HIPK2: variants seen among roughly 807,000 people sequenced by gnomAD.
HIPK2 encodes the protein homeodomain interacting protein kinase 2, also known as homeodomain-interacting protein kinase 2.
In HIPK2, 27 loss-of-function variants were observed where a neutral mutation model predicts 113.7. The ratio of observed to expected loss-of-function variants is 0.24; its 90% CI spans 0.17 to 0.33. The LOEUF (loss-of-function observed/expected upper bound fraction) is 0.33. Among genes scored for constraint, HIPK2 ranks in the 10% least tolerant of loss-of-function variants. The pLI is 1.00. For missense variants in HIPK2, 1,257 were observed against 1,588.0 expected, an observed-to-expected ratio of 0.79 and a Z score of 3.54; for synonymous variants, 631 against 642.2, an observed-to-expected ratio of 0.98 and a Z score of 0.26.
intron 12 of HIPK2, among the ~76,000 whole-genome samples, chr7:139,595,415 G>A (rs1170529911): frequency 3.3e-5 from 5 of 152,188 alleles, no homozygotes; most frequent in African/African-American, 1.2e-4. Flanking sequence ...ATCAAAAAGG[G>A]ACCTGAGGCC....
At position 139,575,122 on chromosome 7, in the gene HIPK2, G is replaced by T; in HGVS notation, c.3126+6C>A. ...CCTGGCCTGGGGCGCCAGCTGTGGGGCTTACCTGGCTGAGATTGAGTGGCT... is the reference window on the plus strand; with the variant it reads ...CCTGGCCTGGGGCGCCAGCTGTGGGTCTTACCTGGCTGAGATTGAGTGGCT... On this transcript the variant is annotated splice_donor_region_variant and intron_variant, in intron 14 of 14. Coordinates refer to ENST00000406875, the MANE Select transcript of HIPK2 (RefSeq NM_022740.5). 1 of 1,589,000 alleles carries T rather than the reference G, an allele frequency of 6.3e-7. No individual in the cohort carries two copies. The highest frequency in any genetic ancestry group is 8.6e-7 in the Non-Finnish European group (1 of 1,168,338).
intron 1 of HIPK2, among the ~76,000 whole-genome samples, chr7:139,743,489 T>C (rs944268593): frequency 6.6e-6 from 1 of 152,210 alleles, no homozygotes; most frequent in African/African-American, 2.4e-5. Flanking sequence ...CTTAGACATA[T>C]CTCTTTGTGG....
intron 1 of HIPK2, among the ~76,000 whole-genome samples, chr7:139,774,748 T>C (rs554333903): frequency 8.4e-4 from 128 of 152,320 alleles, no homozygotes; most frequent in African/African-American, 3.0e-3. Context: ...ACCTTGGTGG[T>C]TGGCCTTTGC....
chr7:139,689,958 C>A (rs1224241826), intron 2 of HIPK2, among the ~76,000 whole-genome samples: 1 of 151,212 alleles, frequency 6.6e-6, no homozygotes, highest in Non-Finnish European at 1.5e-5. Context: ...TCACCATCCA[C>A]AGTGAGAGCT....
At chr7:139,701,453 G>A (rs1027894453) in intron 2 of HIPK2, among the ~76,000 whole-genome samples, 22 of 152,166 alleles carry the variant, frequency 1.4e-4, no homozygotes, top group Admixed American at 3.9e-4. Flanking sequence ...CACCTAGAAC[G>A]TCGGCTCTCA....
At chr7:139,599,424 T>A (rs1799342345) in intron 11 of HIPK2, among the ~76,000 whole-genome samples, 7 of 152,238 alleles carry the variant, frequency 4.6e-5, no homozygotes, top group Admixed American at 3.3e-4. Flanking sequence ...TGGCAAGCCC[T>A]AATCGGATCT....
chr7:139,586,478 A>C (rs1798834210), intron 12 of HIPK2, among the ~76,000 whole-genome samples: 1 of 152,094 alleles, frequency 6.6e-6, no homozygotes, highest in Non-Finnish European at 1.5e-5. Context: ...AGTCATGAAA[A>C]TGAATGAATG....
chr7:139,655,549 A>G (rs1046611901), intron 2 of HIPK2, among the ~76,000 whole-genome samples: 3 of 152,112 alleles, frequency 2.0e-5, no homozygotes, highest in African/African-American at 7.2e-5. Flanking sequence ...GCTTCTGAAC[A>G]TGCTCACTTC....
chr7:139,717,102 G>T, intron 1 of HIPK2, 87 bp from the exon 2 acceptor site: 1 of 1,464,836 alleles, frequency 6.8e-7, no homozygotes, highest in Non-Finnish European at 9.1e-7. Context: ...CTCATCTGTG[G>T]CTTGGGCCAT....
chr7:139,631,749 CCATTAGCA>C lies in HIPK2; in HGVS notation c.1104-32_1104-25del. On this transcript the variant is annotated intron_variant, in intron 2 of 14. Coordinates refer to ENST00000406875, the MANE Select transcript of HIPK2 (RefSeq NM_022740.5). The surrounding 1 kb of genome is among the most constrained non-coding windows in gnomAD (Gnocchi z 4.9). ...CCCTGAAAAGGAAGAATGGAAGAAACCATTAGCAAGTTGGAAATGCAGGAAGCTGTTTC... is the reference window on the plus strand; with the variant it reads ...CCCTGAAAAGGAAGAATGGAAGAAACAGTTGGAAATGCAGGAAGCTGTTTC... The C allele has an allele frequency of 6.2e-7, 1 of 1,602,610 alleles. No homozygotes were observed. The highest frequency in any genetic ancestry group is 8.5e-7 in the Non-Finnish European group (1 of 1,174,830).
In HIPK2 at chr7:139,660,546, C is replaced by T. The variant is rs1225234788; in HGVS notation, c.1104-28821G>A. Among the ~76,000 whole-genome samples, 6 of 152,312 alleles carry T rather than the reference C, an allele frequency of 3.9e-5. No individual in the cohort carries two copies. The South Asian group carries it at 1.2e-3, about 32-fold the overall frequency. ...GCTGATCTGAGGTCAACCCAAAGGC[C>T]CCATCGGTTGGGCTGTTATTGCCAT... On this transcript the variant is annotated intron_variant, in intron 2 of 14. Transcript: ENST00000406875.
chr7:139,595,155 G>C (rs1478637996), intron 12 of HIPK2, among the ~76,000 whole-genome samples: 3 of 152,214 alleles, frequency 2.0e-5, no homozygotes, highest in Non-Finnish European at 2.9e-5. Flanking sequence ...CTGATTGTCA[G>C]ATTTTAAATT....
chr7:139,574,213 A>C (rs928812843), intron 14 of HIPK2, among the ~76,000 whole-genome samples: 1 of 152,132 alleles, frequency 6.6e-6, no homozygotes, highest in African/African-American at 2.4e-5. Flanking sequence ...ATCTCTACAA[A>C]AAATTTTGAA....
intron 13 of HIPK2, among the ~76,000 whole-genome samples, chr7:139,576,468 G>A (rs1372154800): frequency 1.3e-5 from 2 of 152,176 alleles, no homozygotes; most frequent in African/African-American, 4.8e-5. Context: ...AGTAGCCAGG[G>A]GCTCTGAGAG....
chr7:139,723,945 TA>T (rs1795492176), intron 1 of HIPK2, among the ~76,000 whole-genome samples: 1 of 151,800 alleles, frequency 6.6e-6, no homozygotes, highest in Non-Finnish European at 1.5e-5. Flanking sequence ...CCTTACTTCC[TA>T]AAATCTTCTG....
intron 1 of HIPK2, among the ~76,000 whole-genome samples, chr7:139,733,637 T>C (rs1795855557): frequency 6.6e-6 from 1 of 152,338 alleles, no homozygotes; most frequent in East Asian, 1.9e-4. Context: ...TAGAAAAATT[T>C]AAAGGATAAA....
chr7:139,744,940 G>A lies in HIPK2; in HGVS notation c.20-27925C>T, dbSNP rs1401090265. On this transcript the variant is annotated intron_variant, in intron 1 of 14. Transcript: ENST00000406875. The stretch of plus-strand genomic sequence containing the variant: ...GCTAGTGCTGGAAGTCACGTTAAGC[G>A]GCATCTCGCCAAATCCCTTCATTTC... Among the ~76,000 whole-genome samples, 5 of 152,212 alleles carry A rather than the reference G, an allele frequency of 3.3e-5. No homozygotes were observed. The East Asian group carries it at 9.6e-4, about 29-fold the overall frequency.
chr7:139,647,499 G>T (rs992776895), intron 2 of HIPK2, among the ~76,000 whole-genome samples: 2 of 152,132 alleles, frequency 1.3e-5, no homozygotes, highest in African/African-American at 4.8e-5. Flanking sequence ...TGATAATAAG[G>T]ATTTCAATGG....
intron 2 of HIPK2, among the ~76,000 whole-genome samples, chr7:139,702,995 C>T (rs1414529982): frequency 1.3e-5 from 2 of 152,220 alleles, no homozygotes; most frequent in African/African-American, 2.4e-5. Flanking sequence ...TTCCCCTGTC[C>T]GGCCGTTTCC....
Sources: allele counts gnomAD v4.1 joint callset (sites outside exome capture counted in the v4.1 genomes callset), GRCh38; gene constraint gnomAD v4.1.1; non-coding constraint Gnocchi (gnomAD v3.1); transcripts MANE v1.5; gene names NCBI Gene and HGNC (gene_info 2026-07-23, HGNC 2026-07-21).